ZFAND4: variants seen among roughly 807,000 people sequenced by gnomAD.
ZFAND4 encodes zinc finger AN1-type containing 4, also known as AN1-type zinc finger protein 4.
In ZFAND4, 43 loss-of-function variants were observed where a neutral mutation model predicts 64.4. That is an observed-to-expected ratio of 0.67 (90% CI 0.52 to 0.86). The LOEUF (loss-of-function observed/expected upper bound fraction) is 0.86. ZFAND4 is among the 40% of genes least tolerant of loss of function. The probability of loss-of-function intolerance (pLI) is 0.00; values close to 1 mark genes in which losing one functional copy is unlikely to be tolerated. For missense variants in ZFAND4, 929 were observed against 859.8 expected, an observed-to-expected ratio of 1.08 and a Z score of -1.01; for synonymous variants, 296 against 305.7, an observed-to-expected ratio of 0.97 and a Z score of 0.33.
chr10:45,626,464 T>C lies in ZFAND4; in HGVS notation c.1359A>G (p.Ser453=), dbSNP rs372297658. 1.2e-5 allele frequency: 19 copies of C among 1,613,712 alleles called. No individual in the cohort carries two copies. In the African/African-American group the frequency reaches 2.1e-4, roughly 18 times the overall value. Residue 453 remains serine (S), a synonymous_variant, in exon 7 of 10, where the codon TCA becomes TCG. Transcript: ENST00000344646. The part of the protein sequence containing the change: ...KHVAGVLNGE[S]VETSVLNYRE... ...GGTAGTTAAGAACTGAAGTCTCTAC[T>C]GATTCCCCATTCAGCACTCCTGCAA...
intron 5 of ZFAND4, among the ~76,000 whole-genome samples, chr10:45,642,547 C>T (rs1213744570): frequency 7.0e-6 from 1 of 143,808 alleles, no homozygotes; most frequent in Non-Finnish European, 1.5e-5. Context: ...GCAGAGCTTG[C>T]AAGTGAGCCG....
In ZFAND4 at chr10:45,625,984, A is replaced by C; in HGVS notation, c.1839T>G (p.Ser613Arg). The change falls in exon 7 of 10, where the codon AGT (serine) becomes AGG (arginine). Residue 613 changes from serine (S) to arginine (R), a missense_variant. Transcript: ENST00000344646. ...QHFQEENFRK[S>R]SPQLEHTGVF... ...CTCCTGTATGTTCTAACTGGGGAGA[A>C]CTTTTCCTAAAGTTTTCTTCCTGAA... The C allele has an allele frequency of 6.2e-7, 1 of 1,614,142 alleles. No homozygotes were observed. Among genetic ancestry groups the C allele is most frequent in the Non-Finnish European group, 8.5e-7 (1 of 1,180,032 alleles).
chr10:45,651,333 A>G (rs2047743958), intron 4 of ZFAND4: 2 of 262,180 alleles, frequency 7.6e-6, no homozygotes, highest in African/African-American at 2.2e-5. Context: ...TCTGCATAGC[A>G]CTTACAACCA....
chr10:45,623,007 T>C (rs1460029346), intron 8 of ZFAND4, among the ~76,000 whole-genome samples: 5 of 152,002 alleles, frequency 3.3e-5, no homozygotes, highest in African/African-American at 1.2e-4. Flanking sequence ...ACTTCACTAA[T>C]TAGGGAATCA....
intron 2 of ZFAND4, among the ~76,000 whole-genome samples, chr10:45,662,021 C>G (rs2133848542): frequency 6.6e-6 from 1 of 152,172 alleles, no homozygotes; most frequent in Non-Finnish European, 1.5e-5. Context: ...ACAGCCCCCA[C>G]CAGAACCTGC....
At chr10:45,628,101 A>G (rs898573228) in intron 6 of ZFAND4, among the ~76,000 whole-genome samples, 1 of 152,236 alleles carries the variant, frequency 6.6e-6, no homozygotes, top group Non-Finnish European at 1.5e-5. Flanking sequence ...TAAAGTTGAG[A>G]ACTAAACACA....
intron 2 of ZFAND4, among the ~76,000 whole-genome samples, chr10:45,661,822 C>G (rs1279103020): frequency 6.6e-6 from 1 of 152,034 alleles, no homozygotes; most frequent in Admixed American, 6.6e-5. Context: ...TGCCTGTAAT[C>G]CCAGCTACTC....
intron 1 of ZFAND4, among the ~76,000 whole-genome samples, chr10:45,671,991 T>C (rs553444993): frequency 6.6e-6 from 1 of 152,296 alleles, no homozygotes; most frequent in South Asian, 2.1e-4. Context: ...TAAAGAAGCT[T>C]AGCTACAGAA....
intron 5 of ZFAND4, among the ~76,000 whole-genome samples, chr10:45,643,790 T>C (rs2047193188): frequency 6.6e-6 from 1 of 151,856 alleles, no homozygotes; most frequent in South Asian, 2.1e-4. Flanking sequence ...CACTCAATTC[T>C]CCCTCTTTCT....
chr10:45,648,481 C>T lies in ZFAND4; in HGVS notation c.382G>A (p.Val128Ile), dbSNP rs577210965. 3 of 1,613,812 alleles carry T rather than the reference C, an allele frequency of 1.9e-6. No individual in the cohort carries two copies. Among genetic ancestry groups the T allele is most frequent in the East Asian group, 4.5e-5 (2 of 44,854 alleles). Reference protein sequence around the residue: ...KMAEYLDSSRVEVWEKTSCSK... With the variant: ...KMAEYLDSSRIEVWEKTSCSK... ...CAGGAGGTCTTCTCCCAGACCTCAA[C>T]TCGACTGGAATCCAAGTACTCTGCC... Residue 128 changes from valine to isoleucine, a missense_variant, in exon 5 of 10, where the codon GTT becomes ATT. By Grantham distance (29) the Val-to-Ile change is conservative. Transcript: ENST00000344646.
At chr10:45,643,691 A>T (rs905745070) in intron 5 of ZFAND4, among the ~76,000 whole-genome samples, 1 of 150,542 alleles carries the variant, frequency 6.6e-6, no homozygotes, top group Non-Finnish European at 1.5e-5. Context: ...AAAAAAAAAA[A>T]ATACCAGTAA....
chr10:45,643,079 C>A (rs1213404720), intron 5 of ZFAND4, among the ~76,000 whole-genome samples: 1 of 151,462 alleles, frequency 6.6e-6, no homozygotes, highest in East Asian at 2.0e-4. Context: ...CACCATCACG[C>A]CCGGCTAATT....
intron 9 of ZFAND4, among the ~76,000 whole-genome samples, chr10:45,617,367 C>G (rs1013473388): frequency 5.9e-5 from 9 of 152,006 alleles, no homozygotes; most frequent in African/African-American, 2.2e-4. Context: ...GCGGCTCACA[C>G]CTGAAATTCC....
chr10:45,662,766 T>C (rs1021961086), intron 2 of ZFAND4: 2 of 673,818 alleles, frequency 3.0e-6, no homozygotes, highest in African/African-American at 3.9e-5. Context: ...CATCCTTCTA[T>C]AATTCTGAAC....
chr10:45,625,353 A>G (rs1038998193), intron 7 of ZFAND4, among the ~76,000 whole-genome samples: 7 of 151,216 alleles, frequency 4.6e-5, no homozygotes, highest in Non-Finnish European at 1.0e-4. Context: ...AGGTGCCTGT[A>G]GTCCCAGCTA....
chr10:45,646,746 A>T (rs921460267), intron 5 of ZFAND4, among the ~76,000 whole-genome samples: 2 of 152,240 alleles, frequency 1.3e-5, no homozygotes, highest in African/African-American at 4.8e-5. Context: ...AAAGGGAGCC[A>T]AAAGAGTGTG....
chr10:45,637,055 T>G (rs1177284022), intron 6 of ZFAND4, among the ~76,000 whole-genome samples: 1 of 149,382 alleles, frequency 6.7e-6, no homozygotes, highest in Non-Finnish European at 1.5e-5. Flanking sequence ...ATCAGAAAAA[T>G]TTCAGCTGGG....
At chr10:45,667,458 C>CCTTTTTTTTT (rs1564639790) in intron 1 of ZFAND4, among the ~76,000 whole-genome samples, 1 of 90,662 alleles carries the variant, frequency 1.1e-5, no homozygotes, top group East Asian at 3.4e-4. Context: ...TCTTTTCTTT[C>CCTTTTTTTTT]TTTTTTTTTT....
intron 8 of ZFAND4, among the ~76,000 whole-genome samples, chr10:45,623,125 T>C (rs1350433963): frequency 6.6e-6 from 1 of 152,162 alleles, no homozygotes; most frequent in Non-Finnish European, 1.5e-5. Context: ...ATAACAAGTG[T>C]TGCCAAGGAT....
Sources: gnomAD v4.1 joint callset for allele counts (sites outside exome capture counted in the v4.1 genomes callset) on GRCh38, gnomAD v4.1.1 for gene constraint, MANE v1.5 for transcripts, NCBI Gene and HGNC (gene_info 2026-07-23, HGNC 2026-07-21) for gene names.